The following ANK3 variants were observed in gnomAD, a reference collection of about 807,000 sequenced individuals.
ANK3 encodes ankyrin 3, also known as ankyrin-3.
A neutral mutation model predicts 370.9 loss-of-function variants in ANK3; 57 were observed. The ratio of observed to expected loss-of-function variants is 0.15; its 90% CI spans 0.12 to 0.19. The LOEUF is 0.19. Among genes scored for constraint, ANK3 ranks in the 10% least tolerant of loss-of-function variants. ANK3 has a pLI of 1.00. For missense variants in ANK3, 4,439 were observed against 5,302.1 expected (o/e 0.84, Z 5.06); for synonymous variants, 1,929 against 1,946.3 (o/e 0.99, Z 0.23).
intron 28 of ANK3, among the ~76,000 whole-genome samples, chr10:60,098,941 G>A (rs1474311349): frequency 6.6e-6 from 1 of 152,090 alleles, no homozygotes; most frequent in Non-Finnish European, 1.5e-5. Context: ...AGTTTTAGCA[G>A]TCTATTAATA....
chr10:60,458,357 C>T (rs1031547532), intron 2 of ANK3, among the ~76,000 whole-genome samples: 3 of 152,070 alleles, frequency 2.0e-5, no homozygotes, highest in Admixed American at 2.0e-4. Flanking sequence ...AGGTACATTC[C>T]AACATCTCTT....
At chr10:60,242,986 GTACT>G (rs2097492802) in intron 7 of ANK3, among the ~76,000 whole-genome samples, 6 of 152,030 alleles carry the variant, frequency 3.9e-5, no homozygotes, top group Non-Finnish European at 8.8e-5. Context: ...TGCTGTCACC[GTACT>G]TACTTTGTAG....
In ANK3 at chr10:60,148,314, GGTTT is replaced by G. The variant is rs546637815; in HGVS notation, c.2615-9231_2615-9228del. On this transcript the variant is annotated intron_variant, in intron 23 of 43. Coordinates refer to ENST00000280772, the MANE Select transcript of ANK3 (RefSeq NM_020987.5). ...TGAATTCTCTTTCCTTTCTGAGATG[GGTTT>G]GTTTATTAACCCAAACAAGATCACA... is the stretch of plus-strand genomic sequence containing the variant. Among the ~76,000 whole-genome samples the G allele has an allele frequency of 2.0e-3, 299 of 151,920 alleles. 1 individual carries two copies. The highest frequency in any genetic ancestry group is 6.9e-3 in the African/African-American group (285 of 41,400).
intron 1 of ANK3, among the ~76,000 whole-genome samples, chr10:60,621,559 G>A (rs1247035218): frequency 6.6e-6 from 1 of 152,134 alleles, no homozygotes. Context: ...TTCATGGCAG[G>A]TTTGAGGAGC....
At chr10:60,257,877 A>G (rs1215362972) in intron 7 of ANK3, among the ~76,000 whole-genome samples, 3 of 152,250 alleles carry the variant, frequency 2.0e-5, no homozygotes, top group African/African-American at 7.2e-5. Context: ...TAACAGAAGA[A>G]TGCTTTATTC....
rs2064896362 is a variant in ANK3 at position 60,461,980 on chromosome 10, T to C, written c.96+153206A>G. On this transcript the variant is annotated intron_variant, in intron 2 of 43. Transcript: ENST00000373827. ...CAGCGGGTGGGGGACCCAAGGGGAC[T>C]GAAGAAGAACAATGGAAGTACAGGT... 2.0e-5 allele frequency among the ~76,000 whole-genome samples: 3 copies of C among 152,254 alleles called. No individual in the cohort carries two copies. The South Asian group carries it at 6.2e-4, about 32-fold the overall frequency.
At chr10:60,732,311 A>G (rs2080034671) in intron 1 of ANK3, among the ~76,000 whole-genome samples, 1 of 152,176 alleles carries the variant, frequency 6.6e-6, no homozygotes, top group Non-Finnish European at 1.5e-5. Context: ...TTCCCTAGCC[A>G]TTCTATGCAA....
chr10:60,083,678 T>G, intron 32 of ANK3, 61 bp from the exon 33 acceptor site: 1 of 1,427,708 alleles, frequency 7.0e-7, no homozygotes, highest in South Asian at 1.3e-5. Context: ...ATTTTGAGAT[T>G]TTATGTCACG....
chr10:60,726,731 C>T (rs1273957489), intron 1 of ANK3, among the ~76,000 whole-genome samples: 1 of 152,012 alleles, frequency 6.6e-6, no homozygotes, highest in East Asian at 1.9e-4. Flanking sequence ...GGTGGTTGTA[C>T]AACTCTGTAA....
intron 1 of ANK3, among the ~76,000 whole-genome samples, chr10:60,716,839 A>G (rs2079797791): frequency 6.6e-6 from 1 of 152,196 alleles, no homozygotes; most frequent in African/African-American, 2.4e-5. Context: ...AAAAGGAAAA[A>G]GCTGAGAGTG....
intron 2 of ANK3, among the ~76,000 whole-genome samples, chr10:60,440,935 C>T (rs1328486848): frequency 6.6e-6 from 1 of 152,088 alleles, no homozygotes; most frequent in African/African-American, 2.4e-5. Context: ...CTTCATACGC[C>T]AGTTTTAAAA....
intron 11 of ANK3, among the ~76,000 whole-genome samples, chr10:60,204,766 C>G (rs1591699829): frequency 6.6e-6 from 1 of 152,006 alleles, no homozygotes; most frequent in East Asian, 1.9e-4. Flanking sequence ...GGGGGTGCCA[C>G]TGAGTCATAA....
chr10:60,269,859 A>C (rs2097942045), intron 5 of ANK3, among the ~76,000 whole-genome samples: 1 of 152,154 alleles, frequency 6.6e-6, no homozygotes, highest in Non-Finnish European at 1.5e-5. Context: ...AAGAGACAGA[A>C]AAGAATTCTC....
At chr10:60,588,951 C>A (rs61853474) in intron 2 of ANK3, among the ~76,000 whole-genome samples, 30,814 of 151,722 alleles carry the variant, frequency 0.2, 3,531 homozygotes, top group East Asian at 0.37. Context: ...TATATTACAA[C>A]GGGGAAAGGG....
intron 2 of ANK3, among the ~76,000 whole-genome samples, chr10:60,545,629 T>C (rs1183618885): frequency 6.6e-6 from 1 of 152,168 alleles, no homozygotes; most frequent in Non-Finnish European, 1.5e-5. Flanking sequence ...ATTGAAATAC[T>C]AGATCTAGTC....
chr10:60,312,448 C>T (rs1240571856), intron 1 of ANK3, among the ~76,000 whole-genome samples: 1 of 152,218 alleles, frequency 6.6e-6, no homozygotes, highest in Non-Finnish European at 1.5e-5. Context: ...GAGAGGTAGA[C>T]ATGACACATG....
intron 21 of ANK3, among the ~76,000 whole-genome samples, chr10:60,169,332 A>G (rs1157010442): frequency 6.9e-6 from 1 of 144,904 alleles, no homozygotes; most frequent in Non-Finnish European, 1.5e-5. Flanking sequence ...TATACTAGTC[A>G]GATATGTCCA....
chr10:60,456,515 C>T (rs181846693), intron 2 of ANK3, among the ~76,000 whole-genome samples: 45 of 152,246 alleles, frequency 3.0e-4, no homozygotes, highest in Middle Eastern at 3.4e-3. Flanking sequence ...TGACACTATT[C>T]GCCTAACTGA....
At position 60,026,765 on chromosome 10, in the gene ANK3, A is replaced by G. The variant is rs1223567696; in HGVS notation, c.*3081T>C. 2.0e-5 allele frequency: 3 copies of G among 152,228 alleles called. No homozygotes were observed. The highest frequency in any genetic ancestry group is 4.4e-5 in the Non-Finnish European group (3 of 68,028). 9.4% of individuals were successfully genotyped at this position (152,228 alleles called of 1,614,324 possible). ...ATAATACTGCATAGTGTATTGCCATAATTTGGCAATACAGTGATAGCACAT... is the reference window on the plus strand; with the variant it reads ...ATAATACTGCATAGTGTATTGCCATGATTTGGCAATACAGTGATAGCACAT... On this transcript the variant is annotated 3_prime_UTR_variant, in exon 44 of 44. Coordinates refer to ENST00000280772, the MANE Select transcript of ANK3 (RefSeq NM_020987.5).
Sources: gnomAD v4.1 joint callset for allele counts (sites outside exome capture counted in the v4.1 genomes callset) on GRCh38, gnomAD v4.1.1 for gene constraint, MANE v1.5 for transcripts, NCBI Gene and HGNC (gene_info 2026-07-23, HGNC 2026-07-21) for gene names.